UVRAG: variants seen among roughly 807,000 people sequenced by gnomAD.
UVRAG encodes the protein UV radiation resistance associated, also known as UV radiation resistance-associated gene protein.
A neutral mutation model predicts 78.0 loss-of-function variants in UVRAG; 19 were observed. That is an observed-to-expected ratio of 0.24 (90% CI 0.17 to 0.36). The LOEUF is 0.36. Among genes scored for constraint, UVRAG ranks in the 10% least tolerant of loss-of-function variants. UVRAG has a pLI of 1.00. For missense variants in UVRAG, 740 were observed against 853.8 expected, an observed-to-expected ratio of 0.87 and a Z score of 1.66; for synonymous variants, 323 against 324.6, an observed-to-expected ratio of 1.00 and a Z score of 0.05.
chr11:76,083,204 T>C (rs755150592), intron 13 of UVRAG, among the ~76,000 whole-genome samples: 1 of 152,248 alleles, frequency 6.6e-6, no homozygotes, highest in Non-Finnish European at 1.5e-5. Context: ...TTTCAGGTTT[T>C]TGTTATTATC....
chr11:76,099,888 A>G (rs1008105413), intron 13 of UVRAG, among the ~76,000 whole-genome samples: 1 of 152,104 alleles, frequency 6.6e-6, no homozygotes, highest in Admixed American at 6.6e-5. Flanking sequence ...TATCTATTAA[A>G]AATGATCATT....
intron 12 of UVRAG, among the ~76,000 whole-genome samples, chr11:76,058,237 A>G (rs1422365666): frequency 6.6e-6 from 1 of 152,146 alleles, no homozygotes; most frequent in South Asian, 2.1e-4. Context: ...CGTCTTTTAA[A>G]ATGAGTTTTA....
intron 2 of UVRAG, among the ~76,000 whole-genome samples, chr11:75,853,789 T>A (rs1590935938): frequency 6.6e-6 from 1 of 152,140 alleles, no homozygotes; most frequent in East Asian, 1.9e-4. Flanking sequence ...TATTTATTTT[T>A]TGAGGCAGAG....
intron 12 of UVRAG, among the ~76,000 whole-genome samples, chr11:76,028,308 A>G (rs992423987): frequency 3.9e-5 from 6 of 152,078 alleles, no homozygotes; most frequent in African/African-American, 1.4e-4. Flanking sequence ...AAACCTCCAT[A>G]GTCCCTGAGA....
At chr11:75,935,527 T>C (rs1948352777) in intron 6 of UVRAG, among the ~76,000 whole-genome samples, 1 of 152,110 alleles carries the variant, frequency 6.6e-6, no homozygotes, top group Admixed American at 6.6e-5. Context: ...TTTCCATGGA[T>C]TAAAAGATTG....
At chr11:75,910,442 C>T (rs150336847) in intron 5 of UVRAG, among the ~76,000 whole-genome samples, 2 of 151,498 alleles carry the variant, frequency 1.3e-5, no homozygotes, top group African/African-American at 4.8e-5. Context: ...AATTGGACTC[C>T]TGGTGGGTCC....
At chr11:75,942,974 T>A (rs1393394479) in intron 6 of UVRAG, among the ~76,000 whole-genome samples, 1 of 152,088 alleles carries the variant, frequency 6.6e-6, no homozygotes, top group East Asian at 1.9e-4. Flanking sequence ...GACAGGAGGC[T>A]CACTTGAGCC....
In UVRAG at chr11:75,861,734, C is replaced by A; in HGVS notation, c.236-12C>A. On this transcript the variant is annotated splice_polypyrimidine_tract_variant and intron_variant, in intron 2 of 14. Transcript: ENST00000356136. ...TTCATATCACTTATTGTTCTTTTTT[C>A]TTCTTTTCCAGAATTTTATAGAAGT... 3.8e-6 allele frequency: 6 copies of A among 1,591,866 alleles called. No individual in the cohort carries two copies. Among genetic ancestry groups the A allele is most frequent in the Non-Finnish European group, 4.3e-6 (5 of 1,164,038 alleles).
chr11:76,133,500 A>T (rs1198171424), intron 14 of UVRAG, among the ~76,000 whole-genome samples: 1 of 152,286 alleles, frequency 6.6e-6, no homozygotes, highest in East Asian at 1.9e-4. Context: ...GGGGGCAAGG[A>T]TGGTGGAGTA....
chr11:76,115,459 A>G (rs1952160285), intron 13 of UVRAG, among the ~76,000 whole-genome samples: 1 of 152,240 alleles, frequency 6.6e-6, no homozygotes, highest in African/African-American at 2.4e-5. Flanking sequence ...GATGAATACA[A>G]GATGGTCCTT....
At chr11:76,029,416 G>A (rs1368073463) in intron 12 of UVRAG, among the ~76,000 whole-genome samples, 1 of 152,058 alleles carries the variant, frequency 6.6e-6, no homozygotes, top group East Asian at 1.9e-4. Flanking sequence ...TTCCTCTGAT[G>A]GATCTGGGCA....
intron 12 of UVRAG, among the ~76,000 whole-genome samples, chr11:76,053,353 A>G (rs1378128306): frequency 2.0e-5 from 3 of 151,252 alleles, no homozygotes; most frequent in Admixed American, 6.6e-5. Flanking sequence ...AAAAATAAAT[A>G]TGCACCTGCT....
chr11:76,122,124 A>C (rs749566253), intron 14 of UVRAG, among the ~76,000 whole-genome samples: 1 of 152,226 alleles, frequency 6.6e-6, no homozygotes, highest in Admixed American at 6.5e-5. Flanking sequence ...GGAACAAAAC[A>C]ACATGTACTG....
At chr11:76,118,435 G>T (rs938093813) in intron 14 of UVRAG, among the ~76,000 whole-genome samples, 2 of 152,218 alleles carry the variant, frequency 1.3e-5, no homozygotes, top group African/African-American at 4.8e-5. Flanking sequence ...GTGATAGTGG[G>T]TATCCTTGTC....
Position 76,056,362 on chromosome 11 carries a change from C to T in UVRAG, c.1227-9348C>T, listed in dbSNP as rs538528648. Among the ~76,000 whole-genome samples, 23 of 152,272 alleles carry T rather than the reference C, an allele frequency of 1.5e-4. No homozygotes were observed. In the East Asian group the frequency reaches 3.3e-3, roughly 22 times the overall value. ...TGTTTTCATATTTCTTGGGTAAATA[C>T]GCAGGAACAGAATTGCTACATCATA... On this transcript the variant is annotated intron_variant, in intron 12 of 14. Coordinates refer to ENST00000356136, the MANE Select transcript of UVRAG (RefSeq NM_003369.4).
intron 1 of UVRAG, among the ~76,000 whole-genome samples, chr11:75,838,083 A>G (rs1945823617): frequency 6.6e-6 from 1 of 152,194 alleles, no homozygotes; most frequent in South Asian, 2.1e-4. Context: ...TATAAACTGT[A>G]CTTAAAAAAA....
chr11:76,002,372 A>G (rs1222690460), intron 8 of UVRAG, among the ~76,000 whole-genome samples: 2 of 151,982 alleles, frequency 1.3e-5, no homozygotes, highest in Admixed American at 1.3e-4. Context: ...TTTCCTTTCT[A>G]CCACATTGCA....
intron 3 of UVRAG, among the ~76,000 whole-genome samples, chr11:75,871,161 C>A (rs1380074): frequency 0.14 from 20,722 of 151,346 alleles, 3,147 homozygotes; most frequent in African/African-American, 0.38. Context: ...AGCATGCGCC[C>A]CTGCGCCCGG....
chr11:75,918,871 A>G (rs1360512758), intron 6 of UVRAG, among the ~76,000 whole-genome samples: 1 of 152,176 alleles, frequency 6.6e-6, no homozygotes, highest in South Asian at 2.1e-4. Context: ...TTAAAAGGTG[A>G]TGAAAATGCA....
Sources: allele counts gnomAD v4.1 joint callset (sites outside exome capture counted in the v4.1 genomes callset), GRCh38; gene constraint gnomAD v4.1.1; transcripts MANE v1.5; gene names NCBI Gene and HGNC (gene_info 2026-07-23, HGNC 2026-07-21).